The following RPAP1 variants were observed in gnomAD, a reference collection of about 807,000 sequenced individuals.
The protein encoded by RPAP1 is RNA polymerase II-associated protein 1.
A neutral mutation model predicts 142.4 loss-of-function variants in RPAP1; 109 were observed. The ratio of observed to expected loss-of-function variants is 0.77; its 90% CI spans 0.66 to 0.90. RPAP1 has a LOEUF of 0.90. RPAP1 is among the 40% of genes least tolerant of loss of function. RPAP1 has a pLI of 0.00. For synonymous variants in RPAP1, 704 were observed against 738.9 expected (o/e 0.95, Z 0.77); for missense variants, 1,546 against 1,751.7 (o/e 0.88, Z 2.10).
intron 14 of RPAP1, among the ~76,000 whole-genome samples, chr15:41,525,391 T>C (rs2051781202): frequency 6.6e-6 from 1 of 152,092 alleles, no homozygotes. Context: ...CTGGCTGGAG[T>C]GCAGTGGAGT....
At position 41,537,235 on chromosome 15, in the gene RPAP1, C is replaced by A; in HGVS notation, c.-76-34G>T. 3 of 1,054,182 alleles carry A rather than the reference C, an allele frequency of 2.8e-6. No homozygotes were observed. In the South Asian group the frequency reaches 4.4e-5, roughly 15 times the overall value. The allele number at this position is 1,054,182 out of a possible 1,614,324, so 65.3% of individuals were successfully genotyped here. A position where few individuals can be genotyped will look rare whatever the true frequency, so the allele number is the denominator to read the frequency against. ...AAGAAAGAATATGGGCCCTCTGCAA[C>A]TGAACCCTGATTCTCTTTATTGGGC... On this transcript the variant is annotated intron_variant, in intron 1 of 24. Transcript: ENST00000304330.
chr15:41,524,131 G>A lies in RPAP1; in HGVS notation c.2199C>T (p.Thr733=). 1.3e-6 allele frequency: 2 copies of A among 1,595,044 alleles called. No homozygotes were observed. Among genetic ancestry groups the A allele is most frequent in the East Asian group, 4.5e-5 (2 of 44,674 alleles). ...CAGCAGGGGTACTGCCGGCTGCCAG[G>A]GTTAGCTGGGTGAGGAGAGTGAGCA... ...ASLLTLLTQL[T]LAAGSTPAET... The change falls in exon 16 of 25, where the codon ACC becomes ACT. Residue 733 remains threonine, a synonymous_variant. Transcript: ENST00000304330.
intron 6 of RPAP1, among the ~76,000 whole-genome samples, chr15:41,531,628 T>TATATATATATATATATA (rs1221224553): frequency 9.7e-5 from 2 of 20,536 alleles, no homozygotes; most frequent in African/African-American, 3.5e-4. Flanking sequence ...TATATATATA[T>TATATATATATATATATA]TTTTTTTTTT....
At chr15:41,523,713 G>A in intron 17 of RPAP1, 58 bp downstream of exon 17, 1 of 1,423,922 alleles carries the variant, frequency 7.0e-7, no homozygotes, top group Non-Finnish European at 9.6e-7. Context: ...GCAACGGGTG[G>A]AATGTAGCTG....
chr15:41,535,756 C>G lies in RPAP1; in HGVS notation c.421-124G>C, dbSNP rs1006424844. 2.1e-5 allele frequency: 29 copies of G among 1,350,500 alleles called. No individual in the cohort carries two copies. In the Admixed American group the frequency reaches 3.9e-4, roughly 18 times the overall value. 83.7% of individuals were successfully genotyped at this position (1,350,500 alleles called of 1,614,324 possible). A position where few individuals can be genotyped will look rare whatever the true frequency, so the allele number is the denominator to read the frequency against. On this transcript the variant is annotated intron_variant, in intron 4 of 24. Transcript: ENST00000304330. ...GGATTTGCTCAATTTCCAGGGATCA[C>G]AACCCTAGTTCTCAGAAAAAGGAGA...
chr15:41,521,278 G>A (rs888981598), intron 21 of RPAP1, 131 bp from the exon 22 acceptor site: 32 of 874,300 alleles, frequency 3.7e-5, no homozygotes, highest in Non-Finnish European at 4.4e-5. Context: ...ACTACTTCCC[G>A]CGCAGTGCTG....
rs771205282 is a variant in RPAP1 at position 41,523,929 on chromosome 15, T to G, written c.2278A>C (p.Thr760Pro). 3.7e-6 allele frequency: 6 copies of G among 1,609,752 alleles called. No individual in the cohort carries two copies. The Admixed American group carries it at 6.7e-5, about 18-fold the overall frequency. ...TGGAGCCCAGACACCTGTGTCCAAGTGACTAAGGAAGGGGTGGCCGAGAGG... is the reference window on the plus strand; with the variant it reads ...TGGAGCCCAGACACCTGTGTCCAAGGGACTAAGGAAGGGGTGGCCGAGAGG... ...ASLSATPSLV[T>P]WTQVSGLQPL... is the part of the protein sequence containing the mutation. Residue 760 changes from threonine to proline, a missense_variant, in exon 17 of 25, where the codon ACT (threonine) becomes CCT (proline). Transcript: ENST00000304330.
chr15:41,523,999 G>GCCCC, intron 16 of RPAP1, 27 bp from the exon 17 acceptor site: 5 of 1,613,192 alleles, frequency 3.1e-6, no homozygotes, highest in Non-Finnish European at 4.2e-6. Context: ...GGGTGCCACA[G>GCCCC]TGAGGATCTG....
intron 1 of RPAP1, among the ~76,000 whole-genome samples, chr15:41,539,596 A>G (rs1458228759): frequency 2.7e-5 from 4 of 150,742 alleles, no homozygotes; most frequent in African/African-American, 7.3e-5. Context: ...GTGCCCCACA[A>G]TTTTTGTGTT....
chr15:41,533,810 C>T (rs1319177699), intron 6 of RPAP1, among the ~76,000 whole-genome samples: 1 of 150,850 alleles, frequency 6.6e-6, no homozygotes, highest in Non-Finnish European at 1.5e-5. Context: ...TGCACTCCAG[C>T]CTGGGCAACA....
chr15:41,527,146 C>T, intron 13 of RPAP1, 21 bp downstream of exon 13: 1 of 1,613,962 alleles, frequency 6.2e-7, no homozygotes, highest in Non-Finnish European at 8.5e-7. Context: ...TTTGCCCATT[C>T]CCTGCTCCCT....
At position 41,523,367 on chromosome 15, in the gene RPAP1, G is replaced by A; in HGVS notation, c.2437-13C>T. On this transcript the variant is annotated splice_polypyrimidine_tract_variant and intron_variant, in intron 17 of 24. Transcript: ENST00000304330. ...GGCATGAGCTTGGCTGGTGGACCAA[G>A]GAATTCACTGAGCTGATGGCCCAGC... 1 of 1,511,374 alleles carries A rather than the reference G, an allele frequency of 6.6e-7. No homozygotes were observed. The highest frequency in any genetic ancestry group is 9.1e-7 in the Non-Finnish European group (1 of 1,097,644). 93.6% of individuals were successfully genotyped at this position (1,511,374 alleles called of 1,614,324 possible). A position where few individuals can be genotyped will look rare whatever the true frequency, so the allele number is the denominator to read the frequency against.
chr15:41,538,847 G>T (rs1566890850), intron 1 of RPAP1, among the ~76,000 whole-genome samples: 1 of 152,124 alleles, frequency 6.6e-6, no homozygotes, highest in Non-Finnish European at 1.5e-5. Context: ...TATACTAAGT[G>T]AAAGAAGCTA....
intron 10 of RPAP1, 77 bp from the exon 11 acceptor site, chr15:41,528,104 C>T: frequency 6.4e-7 from 1 of 1,556,044 alleles, no homozygotes; most frequent in Non-Finnish European, 8.8e-7. Flanking sequence ...TCGTTTGCCC[C>T]CCTATGATCC....
In RPAP1 at chr15:41,531,215, G is replaced by A. The variant is rs1468904460; in HGVS notation, c.764-13C>T. Reference sequence around the variant, plus strand: ...ACCAAGCTGGGGTCTAGAGGCGAAGGTAGAGGGGAGAGTGAGTGAGGGTAG... The same window carrying A: ...ACCAAGCTGGGGTCTAGAGGCGAAGATAGAGGGGAGAGTGAGTGAGGGTAG... On this transcript the variant is annotated splice_polypyrimidine_tract_variant and intron_variant, in intron 6 of 24. Transcript: ENST00000304330. 1 of 1,602,216 alleles carries A rather than the reference G, an allele frequency of 6.2e-7. No individual in the cohort carries two copies.
chr15:41,543,201 CTTTTTTTTTTTTT>C (rs71104794), intron 1 of RPAP1, among the ~76,000 whole-genome samples: 6 of 78,936 alleles, frequency 7.6e-5, no homozygotes, highest in Admixed American at 1.7e-4. Flanking sequence ...CAATGCTGTC[CTTTTTTTTTTTTT>C]TTTTTTTTTT....
intron 12 of RPAP1, 45 bp from the exon 13 acceptor site, chr15:41,527,346 C>T: frequency 3.1e-6 from 5 of 1,613,294 alleles, no homozygotes; most frequent in Non-Finnish European, 4.2e-6. Context: ...CAGCTGGACC[C>T]TGGGCATTGA....
chr15:41,524,382 TGGAAG>T, intron 15 of RPAP1, 128 bp from the exon 16 acceptor site: 2 of 735,186 alleles, frequency 2.7e-6, no homozygotes, highest in Non-Finnish European at 4.1e-6. Flanking sequence ...GGGGCACTCT[TGGAAG>T]GCTCAGCCCT....
At chr15:41,523,099 C>T (rs1259656920) in intron 18 of RPAP1, 139 bp from the exon 19 acceptor site, 3 of 907,050 alleles carry the variant, frequency 3.3e-6, no homozygotes, top group Non-Finnish European at 4.9e-6. Context: ...CAGAGCCCAC[C>T]CCACTGCTGC....
Sources: gnomAD v4.1 joint callset for allele counts (sites outside exome capture counted in the v4.1 genomes callset) on GRCh38, gnomAD v4.1.1 for gene constraint, MANE v1.5 for transcripts, NCBI Gene and HGNC (gene_info 2026-07-23, HGNC 2026-07-21) for gene names.